The following FAF1 variants were observed in gnomAD, a reference collection of about 807,000 sequenced individuals.
FAF1 encodes the protein FAS-associated factor 1.
A neutral mutation model predicts 92.5 loss-of-function variants in FAF1; 25 were observed. The ratio of observed to expected loss-of-function variants is 0.27; its 90% CI spans 0.20 to 0.38. The LOEUF (loss-of-function observed/expected upper bound fraction) is 0.38, where lower values mean the gene tolerates loss of function less well. Ranked by LOEUF, FAF1 falls within the 10% of genes least tolerant of loss-of-function variation. The pLI, the probability that FAF1 is intolerant of heterozygous loss-of-function variation, is 1.00. For missense variants in FAF1, 636 were observed against 793.3 expected (o/e 0.80, Z 2.38); for synonymous variants, 234 against 273.2 (o/e 0.86, Z 1.42).
At chr1:50,691,852 T>C (rs1326030097) in intron 7 of FAF1, among the ~76,000 whole-genome samples, 1 of 152,252 alleles carries the variant, frequency 6.6e-6, no homozygotes, top group African/African-American at 2.4e-5. Context: ...CAAATAATAA[T>C]TGTGTATATT....
At chr1:50,550,376 A>T (rs1354633500) in intron 13 of FAF1, among the ~76,000 whole-genome samples, 1 of 137,566 alleles carries the variant, frequency 7.3e-6, no homozygotes, top group East Asian at 2.0e-4. Flanking sequence ...AAAAAAAAAA[A>T]GTGGGAGTGC....
intron 1 of FAF1, among the ~76,000 whole-genome samples, chr1:50,882,313 G>A (rs964697351): frequency 6.6e-6 from 1 of 152,150 alleles, no homozygotes; most frequent in Non-Finnish European, 1.5e-5. Context: ...ACATATGTAG[G>A]CCAGGCACAG....
intron 6 of FAF1, among the ~76,000 whole-genome samples, chr1:50,733,451 C>T (rs1189575895): frequency 6.6e-6 from 1 of 152,102 alleles, no homozygotes; most frequent in Non-Finnish European, 1.5e-5. Flanking sequence ...GAATTGTGTC[C>T]CCCTAGAATT....
chr1:50,535,603 T>C lies in FAF1; in HGVS notation c.1406-146A>G, dbSNP rs181763744. On this transcript the variant is annotated intron_variant, in intron 14 of 18. Coordinates refer to ENST00000396153, the MANE Select transcript of FAF1 (RefSeq NM_007051.3). ...AAAAATTACAGTTAAAATACTTTTGTGGTTTTATTGAAATGTTTCATATGT... is the reference window on the plus strand; with the variant it reads ...AAAAATTACAGTTAAAATACTTTTGCGGTTTTATTGAAATGTTTCATATGT... 7.1e-4 allele frequency: 384 copies of C among 539,432 alleles called. 1 individual carries two copies. The highest frequency in any genetic ancestry group is 6.6e-3 in the African/African-American group (349 of 53,204). The allele number at this position is 539,432 out of a possible 1,614,324, so 33.4% of individuals were successfully genotyped here. A position where few individuals can be genotyped will look rare whatever the true frequency, so the allele number is the denominator to read the frequency against.
intron 1 of FAF1, among the ~76,000 whole-genome samples, chr1:50,937,677 T>C (rs1311882713): frequency 1.3e-5 from 2 of 152,182 alleles, no homozygotes; most frequent in Non-Finnish European, 2.9e-5. Flanking sequence ...TACATGAGTA[T>C]ACCCATTTTA....
intron 15 of FAF1, among the ~76,000 whole-genome samples, chr1:50,507,161 A>G (rs1647069338): frequency 6.6e-6 from 1 of 152,222 alleles, no homozygotes; most frequent in African/African-American, 2.4e-5. Flanking sequence ...GGTATTCAAC[A>G]GATGTGCACT....
At chr1:50,460,470 T>C (rs547169112) in intron 18 of FAF1, among the ~76,000 whole-genome samples, 9 of 152,198 alleles carry the variant, frequency 5.9e-5, no homozygotes, top group Non-Finnish European at 1.0e-4. Flanking sequence ...GAGAAAAATA[T>C]GTGTGTTAGA....
chr1:50,738,963 GA>G lies in FAF1; in HGVS notation c.460-10del. The G allele has an allele frequency of 6.6e-7, 1 of 1,522,162 alleles. No homozygotes were observed. Among genetic ancestry groups the G allele is most frequent in the Admixed American group, 1.9e-5 (1 of 53,966 alleles). 94.3% of individuals were successfully genotyped at this position (1,522,162 alleles called of 1,614,324 possible). The stretch of plus-strand genomic sequence containing the variant: ...AGAGATTTTAGGACCGTCTGAAAAA[GA>G]AAAAACACAGCAAAAAATGAATGTT... On this transcript the variant is annotated splice_polypyrimidine_tract_variant and intron_variant, in intron 5 of 18. Coordinates refer to ENST00000396153, the MANE Select transcript of FAF1 (RefSeq NM_007051.3).
chr1:50,694,354 C>T (rs1265905621), intron 7 of FAF1, among the ~76,000 whole-genome samples: 1 of 151,894 alleles, frequency 6.6e-6, no homozygotes, highest in Non-Finnish European at 1.5e-5. Context: ...GGACTAGAAA[C>T]AAATGCTAAT....
chr1:50,684,604 C>T (rs1656571285), intron 7 of FAF1, among the ~76,000 whole-genome samples: 2 of 152,118 alleles, frequency 1.3e-5, no homozygotes, highest in Admixed American at 6.6e-5. Context: ...TGCCAATCTC[C>T]ATGAGATAAA....
At chr1:50,898,202 A>G (rs1570114749) in intron 1 of FAF1, among the ~76,000 whole-genome samples, 1 of 152,278 alleles carries the variant, frequency 6.6e-6, no homozygotes, top group Non-Finnish European at 1.5e-5. Context: ...GCTACCCAGG[A>G]GGCTGATGGG....
rs1172189381 is a variant in FAF1, at chr1:50,948,278, T to TA, written c.45+11488dup. On this transcript the variant is annotated intron_variant, in intron 1 of 18. Coordinates refer to ENST00000396153, the MANE Select transcript of FAF1 (RefSeq NM_007051.3). ...CTGTTAGTCCATTCTTGTGTTGCTA[T>TA]AAAAAAAATCTGAGGCTGGGTAATT... 6.6e-5 allele frequency among the ~76,000 whole-genome samples: 10 copies of TA among 152,204 alleles called. No individual in the cohort carries two copies. In the East Asian group the frequency reaches 1.7e-3, roughly 26 times the overall value.
intron 8 of FAF1, among the ~76,000 whole-genome samples, chr1:50,637,448 G>A (rs957102798): frequency 2.4e-4 from 36 of 150,112 alleles, no homozygotes; most frequent in African/African-American, 7.6e-4. Flanking sequence ...GCAAGACTCC[G>A]TCTCAAAAAA....
At chr1:50,904,881 T>C (rs1419361491) in intron 1 of FAF1, among the ~76,000 whole-genome samples, 2 of 141,478 alleles carry the variant, frequency 1.4e-5, no homozygotes, top group Non-Finnish European at 3.0e-5. Flanking sequence ...ATTTTTTTCC[T>C]TTTTTTTTTC....
intron 7 of FAF1, among the ~76,000 whole-genome samples, chr1:50,684,352 T>C (rs1249773046): frequency 6.6e-6 from 1 of 151,492 alleles, no homozygotes; most frequent in Non-Finnish European, 1.5e-5. Context: ...CTCAAAAAAT[T>C]CACTAGATTC....
At chr1:50,442,278 CAA>C (rs1236432796) in intron 18 of FAF1, among the ~76,000 whole-genome samples, 2 of 151,982 alleles carry the variant, frequency 1.3e-5, no homozygotes, top group African/African-American at 4.8e-5. Context: ...TCCTGTTTAT[CAA>C]AAGAGGTCAC....
At chr1:50,643,854 A>G (rs1471183934) in intron 8 of FAF1, among the ~76,000 whole-genome samples, 1 of 152,102 alleles carries the variant, frequency 6.6e-6, no homozygotes, top group East Asian at 1.9e-4. Context: ...CAGCTTCCCA[A>G]AGTGCTGGGA....
intron 1 of FAF1, among the ~76,000 whole-genome samples, chr1:50,952,702 G>C (rs1645227227): frequency 6.6e-6 from 1 of 151,342 alleles, no homozygotes; most frequent in Non-Finnish European, 1.5e-5. Context: ...GAGATGTGGG[G>C]AGCGCCTCTG....
At chr1:50,715,756 A>C (rs1658141094) in intron 6 of FAF1, among the ~76,000 whole-genome samples, 1 of 152,204 alleles carries the variant, frequency 6.6e-6, no homozygotes, top group Non-Finnish European at 1.5e-5. Context: ...TCTAATGAGT[A>C]CCAATGTAAT....
Sources: allele counts gnomAD v4.1 joint callset (sites outside exome capture counted in the v4.1 genomes callset), GRCh38; gene constraint gnomAD v4.1.1; transcripts MANE v1.5; gene names NCBI Gene and HGNC (gene_info 2026-07-23, HGNC 2026-07-21).